AARS1: variants seen among roughly 807,000 people sequenced by gnomAD.
AARS1 encodes alanine--tRNA ligase, cytoplasmic.
AARS1 carries 72 observed loss-of-function variants against 108.9 expected under a neutral mutation model. The ratio of observed to expected loss-of-function variants is 0.66; its 90% CI spans 0.55 to 0.80. The LOEUF (loss-of-function observed/expected upper bound fraction) is 0.80. Ranked by LOEUF, AARS1 falls within the 30% of genes least tolerant of loss-of-function variation. The probability of loss-of-function intolerance (pLI) is 0.00; values close to 1 mark genes in which losing one functional copy is unlikely to be tolerated. For synonymous variants in AARS1, 489 were observed against 465.7 expected, an observed-to-expected ratio of 1.05 and a Z score of -0.64; for missense variants, 1,193 against 1,233.2, an observed-to-expected ratio of 0.97 and a Z score of 0.49.
At chr16:70,287,355 G>C (rs1377797269) in intron 1 of AARS1, among the ~76,000 whole-genome samples, 1 of 147,846 alleles carries the variant, frequency 6.8e-6, no homozygotes, top group Non-Finnish European at 1.5e-5. Context: ...TTGAACCTGG[G>C]AGGCGGTGGC....
Position 70,277,093 on chromosome 16 carries a change from G to A in AARS1, c.206C>T (p.Ala69Val). Residue 69 changes from alanine to valine, a missense_variant, in exon 3 of 21, where the codon GCT becomes GTT. Physicochemically the swap from Ala to Val is moderately conservative, Grantham distance 64 (BLOSUM62 0). Coordinates refer to ENST00000261772, the MANE Select transcript of AARS1 (RefSeq NM_001605.3). The part of the protein sequence containing the change: ...PSHPMAKLSR[A>V]ANTQKCIRAG... ...CCGGATGCACTTCTGGGTATTGGCA[G>A]CTCTGCTCAGCTTTGCCATGGGGTG... 1 of 1,614,184 alleles carries A rather than the reference G, an allele frequency of 6.2e-7. No homozygotes were observed. Among genetic ancestry groups the A allele is most frequent in the Non-Finnish European group, 8.5e-7 (1 of 1,180,020 alleles).
intron 20 of AARS1, among the ~76,000 whole-genome samples, 161 bp from the exon 21 acceptor site, chr16:70,253,067 C>G (rs951693801): frequency 2.6e-5 from 4 of 152,182 alleles, no homozygotes; most frequent in Non-Finnish European, 5.9e-5. Context: ...GCGGCCATGG[C>G]CACTGCCAGG....
chr16:70,265,961 GA>G (rs1960253085), intron 9 of AARS1, among the ~76,000 whole-genome samples: 1 of 152,134 alleles, frequency 6.6e-6, no homozygotes, highest in African/African-American at 2.4e-5. Context: ...GGCGGATCAT[GA>G]GGTCAGGAGA....
chr16:70,255,656 G>A (rs1959970447), intron 16 of AARS1, 72 bp downstream of exon 16: 1 of 1,359,306 alleles, frequency 7.4e-7, no homozygotes, highest in Non-Finnish European at 1.0e-6. Context: ...AGCAGTGTTT[G>A]CTCTATGGAT....
intron 11 of AARS1, among the ~76,000 whole-genome samples, chr16:70,263,222 G>A (rs1341939157): frequency 2.6e-5 from 4 of 151,860 alleles, no homozygotes; most frequent in African/African-American, 4.8e-5. Flanking sequence ...CTAGTCCAAG[G>A]TCAACTCACA....
chr16:70,267,892 G>A lies in AARS1; in HGVS notation c.1072-83C>T, dbSNP rs1301009740. On this transcript the variant is annotated intron_variant, in intron 8 of 20. Transcript: ENST00000261772. The stretch of plus-strand genomic sequence containing the variant: ...CGTCTTAAAAAAGCTCCTTAGCTGG[G>A]TGCAGTGGCTCACGCCTGTAATCCT... 3.1e-6 allele frequency: 5 copies of A among 1,587,630 alleles called. No individual in the cohort carries two copies. The African/African-American group carries it at 4.0e-5, about 13-fold the overall frequency.
At chr16:70,264,766 A>G (rs1217702192) in intron 11 of AARS1, among the ~76,000 whole-genome samples, 192 bp downstream of exon 11, 1 of 151,960 alleles carries the variant, frequency 6.6e-6, no homozygotes, top group Non-Finnish European at 1.5e-5. Context: ...GACAATAATT[A>G]TTTCAAAATA....
chr16:70,282,937 AATC>A (rs1360738443), intron 1 of AARS1, among the ~76,000 whole-genome samples, 153 bp from the exon 2 acceptor site: 2 of 152,150 alleles, frequency 1.3e-5, no homozygotes, highest in Non-Finnish European at 2.9e-5. Context: ...CCAAGGCTAA[AATC>A]ATCATCACCA....
chr16:70,281,986 C>G (rs1162621277), intron 2 of AARS1, among the ~76,000 whole-genome samples: 1 of 151,940 alleles, frequency 6.6e-6, no homozygotes, highest in East Asian at 1.9e-4. Flanking sequence ...CCCATCTCTA[C>G]TAAAAATACA....
Position 70,270,130 on chromosome 16 carries a change from G to A in AARS1, c.816+66C>T, listed in dbSNP as rs145709728. 313 of 1,585,626 alleles carry A rather than the reference G, an allele frequency of 2.0e-4. No homozygotes were observed. In the East Asian group the frequency reaches 6.3e-3, roughly 32 times the overall value. ...GCATATGGTCATTTTTTCTTTGACA[G>A]CACTGTTAAGAGTACAGCCTGGAAA... On this transcript the variant is annotated intron_variant, in intron 6 of 20. Transcript: ENST00000261772.
At chr16:70,259,212 A>G (rs184444743) in intron 13 of AARS1, 26 bp from the exon 14 acceptor site, 1,566 of 1,604,436 alleles carry the variant, frequency 9.8e-4, no homozygotes, top group Non-Finnish European at 1.3e-3. Context: ...GGGCTCATGG[A>G]GAGGTCTGTA....
intron 14 of AARS1, 51 bp from the exon 15 acceptor site, chr16:70,258,268 G>A (rs566411724): frequency 1.4e-4 from 212 of 1,542,186 alleles, no homozygotes; most frequent in East Asian, 2.4e-4. Context: ...CTGGAGGTGC[G>A]GTACGACGAG....
intron 15 of AARS1, 50 bp from the exon 16 acceptor site, chr16:70,255,886 T>C: frequency 1.3e-6 from 2 of 1,548,444 alleles, no homozygotes; most frequent in African/African-American, 1.4e-5. Flanking sequence ...TGGCAGCCCT[T>C]GGCTGGGGGG....
chr16:70,258,953 G>A (rs765625673), intron 14 of AARS1, 27 bp downstream of exon 14: 2 of 1,604,612 alleles, frequency 1.2e-6, no homozygotes, highest in Non-Finnish European at 8.5e-7. Flanking sequence ...GTGGGGAGGG[G>A]GGGCATTCAG....
rs963110979 is a variant in AARS1, at chr16:70,289,461, C to T, written c.-62G>A. On this transcript the variant is annotated 5_prime_UTR_variant, in exon 1 of 21. Transcript: ENST00000261772. ...CGTCCCCAGCTCCTCCCTCAGAGTC[C>T]CCCGCCAAGGGCCCGCTGCACCTAT... 3.1e-5 allele frequency: 13 copies of T among 421,118 alleles called. No individual in the cohort carries two copies. Among genetic ancestry groups the T allele is most frequent in the Admixed American group, 2.2e-4 (9 of 40,438 alleles). 26.1% of individuals were successfully genotyped at this position (421,118 alleles called of 1,614,324 possible).
At chr16:70,257,270 A>G (rs1960014443) in intron 15 of AARS1, among the ~76,000 whole-genome samples, 2 of 151,252 alleles carry the variant, frequency 1.3e-5, no homozygotes, top group African/African-American at 4.9e-5. Context: ...TGTTCTCTTC[A>G]TGGCTGGGCA....
rs552483289 is a variant in AARS1 at position 70,287,636 on chromosome 16, G to C, written c.-22+1785C>G. 4.3e-4 allele frequency among the ~76,000 whole-genome samples: 65 copies of C among 151,840 alleles called. 1 individual carries two copies. The highest frequency in any genetic ancestry group is 1.0e-3 in the South Asian group (5 of 4,786). On this transcript the variant is annotated intron_variant, in intron 1 of 20. Transcript: ENST00000261772. Reference sequence around the variant, plus strand: ...TGTGCACCTGCAGACCCAGCTACTCGGGAGGCTGAGTCCAAAGGGTCGCTT... The same window carrying C: ...TGTGCACCTGCAGACCCAGCTACTCCGGAGGCTGAGTCCAAAGGGTCGCTT...
chr16:70,264,990 T>G lies in AARS1; in HGVS notation c.1460A>C (p.Tyr487Ser), dbSNP rs1471481265. The G allele has an allele frequency of 6.2e-7, 1 of 1,614,148 alleles. No homozygotes were observed. Among genetic ancestry groups the G allele is most frequent in the Admixed American group, 1.7e-5 (1 of 59,998 alleles). The change falls in exon 11 of 21, where the codon TAC becomes TCC. Residue 487 changes from tyrosine to serine, a missense_variant. Tyr to Ser is a moderately radical substitution (Grantham distance 144, BLOSUM62 -2). Coordinates refer to ENST00000261772, the MANE Select transcript of AARS1 (RefSeq NM_001605.3). ...ACCACTGGAGTCCAAATGGTAATTG[T>G]ACTTTGGGGAATCATCTGTGACCTC... Reference protein sequence around the residue: ...GLEVTDDSPKYNYHLDSSGSY... With the variant: ...GLEVTDDSPKSNYHLDSSGSY...
At chr16:70,261,665 C>T (rs1960136066) in intron 12 of AARS1, among the ~76,000 whole-genome samples, 1 of 128,400 alleles carries the variant, frequency 7.8e-6, no homozygotes, top group African/African-American at 3.3e-5. Flanking sequence ...TAAGGAGCAT[C>T]TTAGAATTTT....
Sources: allele counts gnomAD v4.1 joint callset (sites outside exome capture counted in the v4.1 genomes callset), GRCh38; gene constraint gnomAD v4.1.1; transcripts MANE v1.5; gene names NCBI Gene and HGNC (gene_info 2026-07-23, HGNC 2026-07-21).